EYS: variants seen among roughly 807,000 people sequenced by gnomAD.
EYS encodes protein eyes shut homolog.
A neutral mutation model predicts 282.1 loss-of-function variants in EYS; 250 were observed. That is an observed-to-expected ratio of 0.89 (90% confidence interval 0.80 to 0.98). EYS has a LOEUF of 0.98. Among genes scored for constraint, EYS ranks in the 50% least tolerant of loss-of-function variants. The pLI is 0.00. For missense variants in EYS, 4,016 were observed against 3,709.0 expected (o/e 1.08, Z -2.15); for synonymous variants, 1,355 against 1,282.9 (o/e 1.06, Z -1.20).
At chr6:64,337,860 T>G (rs538706673) in intron 29 of EYS, among the ~76,000 whole-genome samples, 1 of 151,788 alleles carries the variant, frequency 6.6e-6, no homozygotes, top group African/African-American at 2.4e-5. Context: ...ACCATATACA[T>G]GGAATTAAAA....
At chr6:65,410,797 A>G (rs1316956663) in intron 5 of EYS, among the ~76,000 whole-genome samples, 1 of 151,904 alleles carries the variant, frequency 6.6e-6, no homozygotes, top group African/African-American at 2.4e-5. Flanking sequence ...AATCAACCTA[A>G]GTGTTCAACA....
At chr6:65,597,827 G>A (rs749662898) in intron 2 of EYS, among the ~76,000 whole-genome samples, 7 of 152,022 alleles carry the variant, frequency 4.6e-5, no homozygotes, top group South Asian at 4.1e-4. Flanking sequence ...ATGGCCAAGC[G>A]CAGTGGCTCA....
chr6:65,696,460 C>A (rs1769460690), intron 1 of EYS, among the ~76,000 whole-genome samples: 1 of 151,870 alleles, frequency 6.6e-6, no homozygotes, highest in Admixed American at 6.6e-5. Context: ...ACTATTTGTA[C>A]ATTTATTCAT....
chr6:64,983,332 A>G (rs922624330), intron 14 of EYS, among the ~76,000 whole-genome samples: 2 of 151,276 alleles, frequency 1.3e-5, no homozygotes, highest in African/African-American at 4.8e-5. Flanking sequence ...AAAAAGATAG[A>G]TAACTGCATT....
chr6:63,921,777 A>C (rs1764579925), intron 35 of EYS, among the ~76,000 whole-genome samples: 1 of 152,234 alleles, frequency 6.6e-6, no homozygotes, highest in Admixed American at 6.5e-5. Flanking sequence ...CCTCTTCTAC[A>C]AAATTGGAAA....
At chr6:65,631,551 T>C (rs1276239735) in intron 2 of EYS, among the ~76,000 whole-genome samples, 1 of 152,060 alleles carries the variant, frequency 6.6e-6, no homozygotes, top group Non-Finnish European at 1.5e-5. Flanking sequence ...AAAAATCTAG[T>C]CTGATCTCTG....
intron 16 of EYS, among the ~76,000 whole-genome samples, chr6:64,904,219 A>G (rs548304099): frequency 6.6e-6 from 1 of 152,330 alleles, no homozygotes; most frequent in South Asian, 2.1e-4. Context: ...CAGACCAGGT[A>G]GTCTTCAGGA....
At chr6:65,682,801 T>C (rs1184427916) in intron 1 of EYS, among the ~76,000 whole-genome samples, 2 of 151,788 alleles carry the variant, frequency 1.3e-5, no homozygotes, top group Non-Finnish European at 2.9e-5. Context: ...GGAAAGGCCA[T>C]GTATATAGTA....
chr6:64,200,500 G>A (rs548666720), intron 31 of EYS, among the ~76,000 whole-genome samples: 43 of 152,048 alleles, frequency 2.8e-4, no homozygotes, highest in Non-Finnish European at 4.7e-4. Context: ...TTCAAGTATT[G>A]CATACTAGCC....
At chr6:64,813,331 C>T (rs1764651888) in intron 22 of EYS, 47 bp downstream of exon 22, 1 of 1,430,008 alleles carries the variant, frequency 7.0e-7, no homozygotes, top group Non-Finnish European at 9.4e-7. Context: ...TGTTTATAAG[C>T]TCTCCTAAAT....
intron 26 of EYS, among the ~76,000 whole-genome samples, chr6:64,449,451 A>C (rs1419519044): frequency 1.3e-5 from 2 of 152,182 alleles, no homozygotes; most frequent in African/African-American, 4.8e-5. Context: ...TACCCAGGAG[A>C]ACTTCCCCAA....
At chr6:63,923,332 C>T (rs914049056) in intron 35 of EYS, among the ~76,000 whole-genome samples, 4 of 152,026 alleles carry the variant, frequency 2.6e-5, no homozygotes, top group Admixed American at 6.6e-5. Context: ...ATACTACCCA[C>T]CATACACTAG....
At chr6:64,091,410 A>G (rs2150251697) in intron 31 of EYS, among the ~76,000 whole-genome samples, 1 of 152,298 alleles carries the variant, frequency 6.6e-6, no homozygotes, top group South Asian at 2.1e-4. Context: ...GAAAGCCAGC[A>G]AGGGTCTGGG....
At chr6:65,619,421 T>G (rs1250018057) in intron 2 of EYS, among the ~76,000 whole-genome samples, 1 of 152,254 alleles carries the variant, frequency 6.6e-6, no homozygotes, top group Non-Finnish European at 1.5e-5. Flanking sequence ...GAGACTTTGC[T>G]GAAGTTGTTT....
intron 33 of EYS, among the ~76,000 whole-genome samples, chr6:64,001,615 G>A (rs980804240): frequency 1.3e-5 from 2 of 151,848 alleles, no homozygotes; most frequent in African/African-American, 4.8e-5. Context: ...CAAATGAAAA[G>A]GCTGCAAAAA....
At chr6:64,276,214 T>A (rs1018072294) in intron 30 of EYS, among the ~76,000 whole-genome samples, 9 of 152,206 alleles carry the variant, frequency 5.9e-5, no homozygotes, top group Non-Finnish European at 1.5e-5. Context: ...GGCTAAGTGC[T>A]AAGTTTCTAG....
chr6:65,695,532 A>G (rs1178757318), intron 1 of EYS, among the ~76,000 whole-genome samples: 1 of 152,038 alleles, frequency 6.6e-6, no homozygotes, highest in African/African-American at 2.4e-5. Context: ...TCAGTGGGAA[A>G]ATAGGAGAAT....
At chr6:64,069,746 T>C (rs1013009597) in intron 32 of EYS, among the ~76,000 whole-genome samples, 10 of 152,114 alleles carry the variant, frequency 6.6e-5, no homozygotes, top group Non-Finnish European at 1.5e-5. Context: ...TAAGGACCCC[T>C]TAAGACACTT....
intron 26 of EYS, among the ~76,000 whole-genome samples, chr6:64,580,327 A>C (rs531368716): frequency 6.6e-6 from 1 of 152,278 alleles, no homozygotes; most frequent in South Asian, 2.1e-4. Flanking sequence ...TGAGTTATGC[A>C]CAATATTCTA....
Sources: allele counts gnomAD v4.1 joint callset (sites outside exome capture counted in the v4.1 genomes callset), GRCh38; gene constraint gnomAD v4.1.1; transcripts MANE v1.5; gene names NCBI Gene and HGNC (gene_info 2026-07-23, HGNC 2026-07-21).